The following NEB variants were observed in gnomAD, a reference collection of about 807,000 sequenced individuals.
NEB encodes nebulin.
Under a neutral mutation model 952.2 loss-of-function variants are expected in NEB, and 512 were observed. The ratio of observed to expected loss-of-function variants is 0.54; its 90% CI spans 0.50 to 0.58. NEB has a LOEUF of 0.58. Among genes scored for constraint, NEB ranks in the 20% least tolerant of loss-of-function variants. NEB has a pLI of 0.00. For missense variants in NEB, 8,428 were observed against 9,231.1 expected (o/e 0.91, Z 3.56); for synonymous variants, 2,900 against 3,149.8 (o/e 0.92, Z 2.66).
chr2:151,669,377 T>A (rs1228987807), intron 38 of NEB, among the ~76,000 whole-genome samples: 2 of 152,154 alleles, frequency 1.3e-5, no homozygotes, highest in Non-Finnish European at 2.9e-5. Context: ...GAGGAAGGCA[T>A]ATCTGTCCTG....
chr2:151,613,471 C>T (rs932504865), intron 77 of NEB, among the ~76,000 whole-genome samples: 1 of 152,196 alleles, frequency 6.6e-6, no homozygotes, highest in Non-Finnish European at 1.5e-5. Flanking sequence ...TTTTCATTAA[C>T]CTCTAACTGA....
At chr2:151,637,766 T>A (rs976828979) in intron 63 of NEB, among the ~76,000 whole-genome samples, 1 of 152,242 alleles carries the variant, frequency 6.6e-6, no homozygotes, top group African/African-American at 2.4e-5. Context: ...AGGACCTATA[T>A]TATAGGTTTG....
In NEB at chr2:151,497,608, C is replaced by G. The variant is rs1342315453; in HGVS notation, c.24300+18G>C. On this transcript the variant is annotated intron_variant, in intron 171 of 181. Transcript: ENST00000397345. ...AAATCATTAAATAAGTAGTTTTTTT[C>G]TTTTCTTGCCAAAGTACCGAGCTAA... The G allele has an allele frequency of 1.3e-6, 2 of 1,549,822 alleles. No individual in the cohort carries two copies. Among genetic ancestry groups the G allele is most frequent in the African/African-American group, 1.4e-5 (1 of 72,780 alleles).
intron 165 of NEB, 71 bp from the exon 166 acceptor site, chr2:151,503,512 G>T (rs1412145334): frequency 2.0e-6 from 2 of 976,586 alleles, no homozygotes; most frequent in Non-Finnish European, 3.2e-6. Context: ...GCCACATGTG[G>T]GCTATTTGGG....
At chr2:151,543,635 T>C (rs531447001) in intron 135 of NEB, among the ~76,000 whole-genome samples, 1 of 152,340 alleles carries the variant, frequency 6.6e-6, no homozygotes, top group Middle Eastern at 3.4e-3. Flanking sequence ...GCAATTTTTT[T>C]CTTATTTTTA....
intron 25 of NEB, among the ~76,000 whole-genome samples, 182 bp from the exon 26 acceptor site, chr2:151,687,915 A>T (rs77149626): frequency 6.6e-6 from 1 of 152,214 alleles, no homozygotes; most frequent in African/African-American, 2.4e-5. Flanking sequence ...CTACCACTAA[A>T]TAAGTATCAA....
chr2:151,615,804 TTTGA>T, intron 76 of NEB, 194 bp downstream of exon 76: 1 of 491,208 alleles, frequency 2.0e-6, no homozygotes. Context: ...TGTCTCTAGT[TTTGA>T]TTGATTGATG....
chr2:151,679,989 G>A lies in NEB; in HGVS notation c.3076C>T (p.His1026Tyr), dbSNP rs370595465. Residue 1026 changes from histidine to tyrosine, a missense_variant, in exon 31 of 182, where the codon CAC becomes TAC. By Grantham distance (83) the His-to-Tyr change is moderately conservative (BLOSUM62 2). Coordinates refer to ENST00000397345, the MANE Select transcript of NEB (RefSeq NM_001164508.2). Reference sequence around the variant, plus strand: ...AGGTCTGGTGGCAGGTTGTATTTGTGAATAATTTCCTCTCCTTTGGCTTTG... The same window carrying A: ...AGGTCTGGTGGCAGGTTGTATTTGTAAATAATTTCCTCTCCTTTGGCTTTG... ...AYKAKGEEII[H>Y]KYNLPPDLPQ... The A allele has an allele frequency of 3.1e-6, 5 of 1,612,648 alleles. No homozygotes were observed. The African/African-American group carries it at 5.3e-5, about 17-fold the overall frequency.
At chr2:151,489,169 C>T (rs945403500) in intron 181 of NEB, among the ~76,000 whole-genome samples, 6 of 152,052 alleles carry the variant, frequency 3.9e-5, no homozygotes, top group Admixed American at 2.0e-4. Context: ...TTATTTAGAC[C>T]TTCTTGTATG....
intron 13 of NEB, among the ~76,000 whole-genome samples, chr2:151,700,758 T>C (rs1173402335): frequency 4.4e-5 from 6 of 136,454 alleles, no homozygotes; most frequent in Non-Finnish European, 7.9e-5. Flanking sequence ...CTTAAGGAGA[T>C]TTTGGGCTGA....
In NEB at chr2:151,570,185, G is replaced by C; in HGVS notation, c.17326C>G (p.Leu5776Val). 4 of 1,613,716 alleles carry C rather than the reference G, an allele frequency of 2.5e-6. No individual in the cohort carries two copies. The highest frequency in any genetic ancestry group is 3.4e-6 in the Non-Finnish European group (4 of 1,179,794). The change falls in exon 109 of 182, where the codon CTG becomes GTG. Residue 5776 changes from leucine to valine, a missense_variant. Leu to Val is a conservative substitution (Grantham distance 32). Transcript: ENST00000397345. ...TTGCGGTAATCCATGTCACTGACCA[G>C]AGCCTGGGAATTTTTAGAGTGCAGG... ...SILHSKNSQA[L>V]VSDMDYRNYL...
intron 118 of NEB, 46 bp from the exon 119 acceptor site, chr2:151,563,765 A>G: frequency 6.2e-7 from 1 of 1,607,884 alleles, no homozygotes; most frequent in Non-Finnish European, 8.5e-7. Context: ...TTTCCTAACC[A>G]GCCCCTTGAT....
At chr2:151,625,887 C>CGT (rs1216632630) in intron 70 of NEB, among the ~76,000 whole-genome samples, 1 of 152,038 alleles carries the variant, frequency 6.6e-6, no homozygotes, top group East Asian at 1.9e-4. Context: ...TACACACCCA[C>CGT]GTGTGTGTGT....
chr2:151,733,194 A>G lies in NEB; in HGVS notation c.-29-9T>C. On this transcript the variant is annotated splice_polypyrimidine_tract_variant and intron_variant, in intron 2 of 181. Coordinates refer to ENST00000397345, the MANE Select transcript of NEB (RefSeq NM_001164508.2). ...GTAGTGGCACCTACAAACTTTTCAT[A>G]TTCCATACAAATGAAAACATATTAG... 6.4e-7 allele frequency: 1 copy of G among 1,562,032 alleles called. No homozygotes were observed.
Position 151,512,814 on chromosome 2 carries a change from T to A in NEB, c.23265A>T (p.Glu7755Asp). Residue 7755 changes from glutamate to aspartate, a missense_variant, in exon 161 of 182, where the codon GAA (glutamate) becomes GAT (aspartate). This residue lies in a region of NEB where 3,374 missense variants were observed against 3,651.5 expected (regional missense o/e 0.92). Transcript: ENST00000397345. Reference protein sequence around the residue: ...ASQIKYKQSAEMEKANFTSVV... With the variant: ...ASQIKYKQSADMEKANFTSVV... The stretch of plus-strand genomic sequence containing the variant: ...CAGAAGTGAAATTGGCTTTCTCCAT[T>A]TCTGCTGATTGCTTATACTTAATCT... 1 of 1,612,662 alleles carries A rather than the reference T, an allele frequency of 6.2e-7. No homozygotes were observed.
chr2:151,526,853 G>C, intron 148 of NEB, 65 bp downstream of exon 148: 1 of 1,145,058 alleles, frequency 8.7e-7, no homozygotes, highest in Non-Finnish European at 1.3e-6. Context: ...GGTGTCCCTG[G>C]GGACTGTACC....
intron 63 of NEB, among the ~76,000 whole-genome samples, chr2:151,638,065 C>T (rs948156221): frequency 3.3e-5 from 5 of 152,202 alleles, no homozygotes; most frequent in African/African-American, 1.2e-4. Context: ...CTTATACCCA[C>T]AGGCTCAGTC....
rs1405378199 is a variant in NEB, at chr2:151,646,198, G to C, written c.7468C>G (p.Gln2490Glu). 1.2e-6 allele frequency: 2 copies of C among 1,603,428 alleles called. No homozygotes were observed. Among genetic ancestry groups the C allele is most frequent in the Non-Finnish European group, 1.7e-6 (2 of 1,174,390 alleles). ...GGTGTATCAGGCATGATGTGGATCT[G>C]AGTCTTGTCTTTGTCCCAAGCTTCT... The part of the protein sequence containing the change: ...YREAWDKDKT[Q>E]IHIMPDTPDI... Residue 2490 changes from glutamine (Q) to glutamate (E), a missense_variant, in exon 55 of 182, where the codon CAG (glutamine) becomes GAG (glutamate). By Grantham distance (29) the Gln-to-Glu change is conservative. Around this residue, in one of 11 missense-constraint regions of NEB, gnomAD observed 1,772 missense variants for 1,960.3 expected, o/e 0.90. Coordinates refer to ENST00000397345, the MANE Select transcript of NEB (RefSeq NM_001164508.2).
intron 173 of NEB, among the ~76,000 whole-genome samples, 181 bp from the exon 174 acceptor site, chr2:151,494,434 CAGGAT>C (rs1251726579): frequency 1.3e-5 from 2 of 152,072 alleles, no homozygotes; most frequent in East Asian, 3.9e-4. Flanking sequence ...AAGACACAAC[CAGGAT>C]AGGCACCTGC....
Sources: gnomAD v4.1 joint callset for allele counts (sites outside exome capture counted in the v4.1 genomes callset) on GRCh38, gnomAD v4.1.1 for gene constraint, gnomAD v4.1.1 regional missense constraint, MANE v1.5 for transcripts, NCBI Gene and HGNC (gene_info 2026-07-23, HGNC 2026-07-21) for gene names.